Variants in ZFYVE1 observed in about 807,000 individuals in gnomAD.
ZFYVE1 encodes zinc finger FYVE-type containing 1.
In ZFYVE1, 30 loss-of-function variants were observed where a neutral mutation model predicts 74.4. That is an observed-to-expected ratio of 0.40 (90% CI 0.30 to 0.55). ZFYVE1 has a LOEUF of 0.55. ZFYVE1 is among the 20% of genes least tolerant of loss of function. The probability of loss-of-function intolerance (pLI) is 0.42; values close to 1 mark genes in which losing one functional copy is unlikely to be tolerated. For synonymous variants in ZFYVE1, 335 were observed against 385.1 expected, an observed-to-expected ratio of 0.87 and a Z score of 1.52; for missense variants, 703 against 1,011.6, an observed-to-expected ratio of 0.69 and a Z score of 4.14.
At chr14:72,989,116 T>C (rs897517058) in intron 4 of ZFYVE1, among the ~76,000 whole-genome samples, 1 of 151,910 alleles carries the variant, frequency 6.6e-6, no homozygotes, top group Non-Finnish European at 1.5e-5. Flanking sequence ...TTAATAGAGA[T>C]GGGGTTTCAC....
intron 3 of ZFYVE1, 83 bp downstream of exon 3, chr14:72,997,728 C>T (rs550955805): frequency 8.5e-5 from 126 of 1,488,198 alleles, no homozygotes; most frequent in Admixed American, 1.6e-4. Context: ...CAATCCACTA[C>T]CAACAAGTTG....
intron 2 of ZFYVE1, among the ~76,000 whole-genome samples, chr14:73,023,193 T>TAA (rs1894357063): frequency 7.8e-6 from 1 of 127,996 alleles, no homozygotes; most frequent in African/African-American, 2.9e-5. Flanking sequence ...TATATATATA[T>TAA]TTTATATATG....
Position 72,998,319 on chromosome 14 carries a change from C to CGAAA in ZFYVE1, c.484-5_484-4insTTTC. On this transcript the variant is annotated splice_region_variant and splice_polypyrimidine_tract_variant and intron_variant, in intron 2 of 11. Transcript: ENST00000556143. The stretch of plus-strand genomic sequence containing the variant: ...TAAAGTCTTCTTCATTTGTTACCTG[C>CGAAA]AAAAAAAAAAAAAAAGACCATGAAA... The CGAAA allele has an allele frequency of 8.2e-7, 1 of 1,221,068 alleles. No homozygotes were observed. Among genetic ancestry groups the CGAAA allele is most frequent in the Non-Finnish European group, 1.1e-6 (1 of 951,152 alleles). The allele number at this position is 1,221,068 out of a possible 1,614,324, so 75.6% of individuals were successfully genotyped here. A position where few individuals can be genotyped will look rare whatever the true frequency, so the allele number is the denominator to read the frequency against.
At chr14:72,982,280 C>CA (rs1893354273) in intron 4 of ZFYVE1, among the ~76,000 whole-genome samples, 1 of 151,988 alleles carries the variant, frequency 6.6e-6, no homozygotes, top group South Asian at 2.1e-4. Flanking sequence ...CAGGCAGAGC[C>CA]CAGATGTGAT....
chr14:72,994,993 C>T (rs1484757405), intron 3 of ZFYVE1, among the ~76,000 whole-genome samples: 1 of 152,186 alleles, frequency 6.6e-6, no homozygotes, highest in Non-Finnish European at 1.5e-5. Flanking sequence ...ACTTGGGCAG[C>T]CATAGCACAG....
At position 72,969,474 on chromosome 14, in the gene ZFYVE1, G is replaced by A; in HGVS notation, c.*1408C>T. ...GATGCAGGAAGATTCCTTTATGATG[G>A]CGAATTGGATGGTACACAGTTCTAG... On this transcript the variant is annotated 3_prime_UTR_variant, in exon 12 of 12. Transcript: ENST00000556143. 2.1e-6 allele frequency: 1 copy of A among 473,698 alleles called. No individual in the cohort carries two copies. Among genetic ancestry groups the A allele is most frequent in the South Asian group, 4.2e-5 (1 of 23,996 alleles). The allele number at this position is 473,698 out of a possible 1,614,324, so 29.3% of individuals were successfully genotyped here.
At chr14:72,992,562 T>TTTGTG (rs1893637932) in intron 4 of ZFYVE1, among the ~76,000 whole-genome samples, 1 of 152,054 alleles carries the variant, frequency 6.6e-6, no homozygotes, top group Admixed American at 6.5e-5. Flanking sequence ...TGTATCTATT[T>TTTGTG]TTGTGTTTTG....
At chr14:72,980,556 T>A (rs867135491) in intron 5 of ZFYVE1, among the ~76,000 whole-genome samples, 8,707 of 150,786 alleles carry the variant, frequency 0.058, 373 homozygotes, top group South Asian at 0.16. Context: ...TTTATTTATT[T>A]ATTTATTTAT....
chr14:73,022,707 C>T (rs954696359), intron 2 of ZFYVE1, among the ~76,000 whole-genome samples: 1 of 152,186 alleles, frequency 6.6e-6, no homozygotes, highest in Non-Finnish European at 1.5e-5. Context: ...ATAGACATTA[C>T]ACTACCTTCA....
chr14:73,016,845 G>C (rs959272246), intron 2 of ZFYVE1, among the ~76,000 whole-genome samples: 1 of 152,066 alleles, frequency 6.6e-6, no homozygotes, highest in African/African-American at 2.4e-5. Context: ...CTGCACTCCA[G>C]CCTGAGCAAC....
In ZFYVE1 at chr14:72,975,095, T is replaced by C; in HGVS notation, c.1807-136A>G. The C allele has an allele frequency of 1.1e-6, 1 of 878,858 alleles. No individual in the cohort carries two copies. Among genetic ancestry groups the C allele is most frequent in the South Asian group, 2.0e-5 (1 of 51,216 alleles). The allele number at this position is 878,858 out of a possible 1,614,324, so 54.4% of individuals were successfully genotyped here. A position where few individuals can be genotyped will look rare whatever the true frequency, so the allele number is the denominator to read the frequency against. On this transcript the variant is annotated intron_variant, in intron 9 of 11. Transcript: ENST00000556143. The surrounding 1 kb of genome is among the most constrained non-coding windows in gnomAD (Gnocchi z 4.1). The stretch of plus-strand genomic sequence containing the variant: ...TAGCTCAACAAGGACAAGAGCTTTC[T>C]AGTAACGCGTTATCTGAGAATGGAA...
chr14:73,004,107 A>G (rs1893930033), intron 2 of ZFYVE1, among the ~76,000 whole-genome samples: 1 of 152,204 alleles, frequency 6.6e-6, no homozygotes, highest in Admixed American at 6.5e-5. Flanking sequence ...GAAGTTACAC[A>G]GAATAGCCCA....
At chr14:73,013,541 G>A (rs1470291229) in intron 2 of ZFYVE1, among the ~76,000 whole-genome samples, 3 of 151,844 alleles carry the variant, frequency 2.0e-5, no homozygotes, top group African/African-American at 7.3e-5. Flanking sequence ...CCAGGTTGTA[G>A]TAAGCCGAGA....
intron 4 of ZFYVE1, among the ~76,000 whole-genome samples, chr14:72,989,806 A>AAAAAAG (rs1474553587): frequency 2.0e-5 from 3 of 152,136 alleles, no homozygotes; most frequent in Non-Finnish European, 4.4e-5. Flanking sequence ...TCAAAAGAAA[A>AAAAAAG]AAAAAGAAAA....
intron 4 of ZFYVE1, among the ~76,000 whole-genome samples, chr14:72,988,474 CTAA>C (rs2140357929): frequency 6.7e-6 from 1 of 148,284 alleles, no homozygotes; most frequent in African/African-American, 2.5e-5. Context: ...TGCACCTGGC[CTAA>C]TAACTTTTTT....
At chr14:72,982,291 C>G (rs61986496) in intron 4 of ZFYVE1, among the ~76,000 whole-genome samples, 2 of 151,960 alleles carry the variant, frequency 1.3e-5, no homozygotes, top group African/African-American at 4.8e-5. Flanking sequence ...CAGATGTGAT[C>G]TGTGAGTTTC....
intron 4 of ZFYVE1, among the ~76,000 whole-genome samples, chr14:72,989,651 T>C (rs943740491): frequency 2.6e-5 from 4 of 152,122 alleles, no homozygotes; most frequent in Admixed American, 1.3e-4. Flanking sequence ...CTGACCTCTT[T>C]AGAAGCGAAA....
chr14:72,983,434 A>G (rs1165356386), intron 4 of ZFYVE1, among the ~76,000 whole-genome samples: 19 of 140,846 alleles, frequency 1.3e-4, no homozygotes, highest in African/African-American at 4.3e-4. Flanking sequence ...TCCCACCTAT[A>G]AGTGAGAACA....
chr14:73,025,094 G>C (rs1190165206), intron 1 of ZFYVE1, among the ~76,000 whole-genome samples, 152 bp from the exon 2 acceptor site: 1 of 147,696 alleles, frequency 6.8e-6, no homozygotes, highest in Non-Finnish European at 1.5e-5. Context: ...TTGAGACAGA[G>C]TTTTGCTCTT....
Sources: gnomAD v4.1 joint callset for allele counts (sites outside exome capture counted in the v4.1 genomes callset) on GRCh38, gnomAD v4.1.1 for gene constraint, Gnocchi (gnomAD v3.1) non-coding constraint, MANE v1.5 for transcripts, NCBI Gene and HGNC (gene_info 2026-07-23, HGNC 2026-07-21) for gene names.